The following RIF1 variants were observed in gnomAD, a reference collection of about 807,000 sequenced individuals.
The protein encoded by RIF1 is replication timing regulatory factor 1.
In RIF1, 45 loss-of-function variants were observed where a neutral mutation model predicts 247.1. The observed-to-expected ratio is 0.18, with a 90% CI of 0.14 to 0.23. The LOEUF (loss-of-function observed/expected upper bound fraction) is 0.23, where lower values mean the gene tolerates loss of function less well. Among genes scored for constraint, RIF1 ranks in the 10% least tolerant of loss-of-function variants. The pLI is 1.00. For synonymous variants in RIF1, 1,087 were observed against 978.8 expected, an observed-to-expected ratio of 1.11 and a Z score of -2.06; for missense variants, 2,967 against 2,862.5, an observed-to-expected ratio of 1.04 and a Z score of -0.83.
In RIF1 at chr2:151,463,731, A is replaced by G. The variant is rs769334171; in HGVS notation, c.4211A>G (p.Gln1404Arg). ...GATCAAATGGTAAATGAGGATAGTC[A>G]GGTTCAGATAACTCCAAATCAGAAA... Reference protein sequence around the residue: ...SADQMVNEDSQVQITPNQKTL... With the variant: ...SADQMVNEDSRVQITPNQKTL... Residue 1404 changes from glutamine to arginine, a missense_variant, in exon 30 of 36, where the codon CAG (glutamine) becomes CGG (arginine). By Grantham distance (43) the Gln-to-Arg change is conservative. This residue lies in a region of RIF1 where 2,028 missense variants were observed against 1,825.6 expected (regional missense o/e 1.11). Coordinates refer to ENST00000444746, the MANE Select transcript of RIF1 (RefSeq NM_018151.5). 6.2e-7 allele frequency: 1 copy of G among 1,614,024 alleles called. No individual in the cohort carries two copies. Among genetic ancestry groups the G allele is most frequent in the South Asian group, 1.1e-5 (1 of 91,080 alleles).
intron 11 of RIF1, among the ~76,000 whole-genome samples, chr2:151,500,252 C>CAAAG (rs1013988052): frequency 1.3e-5 from 2 of 151,994 alleles, no homozygotes; most frequent in African/African-American, 2.4e-5. Context: ...CTAATTATGT[C>CAAAG]AAAGAATCAA....
chr2:151,422,504 A>T lies in RIF1; in HGVS notation c.694-446A>T, dbSNP rs540907028. Among the ~76,000 whole-genome samples the T allele has an allele frequency of 7.8e-5, 11 of 141,244 alleles. No homozygotes were observed. The East Asian group carries it at 8.3e-4, about 11-fold the overall frequency. 92.7% of individuals were successfully genotyped at this position (141,244 alleles called of 152,430 possible). On this transcript the variant is annotated intron_variant, in intron 7 of 35. Transcript: ENST00000444746. ...TTTCCTTTTGGAGTCTTTTGGGAAA[A>T]TTTTTTTTTTTTTTTGAGACAGTCT...
chr2:151,496,848 G>T, intron 10 of RIF1: 2 of 1,357,850 alleles, frequency 1.5e-6, no homozygotes, highest in Non-Finnish European at 2.0e-6. Flanking sequence ...CACAAAATTT[G>T]TCTTTAGAAA....
At chr2:151,486,079 AC>A, downstream of RIF1, 1 of 790,392 alleles carries the variant, frequency 1.3e-6, no homozygotes, top group Non-Finnish European at 2.0e-6. Context: ...AGTAAAAGGA[AC>A]CCACAAAATA....
chr2:151,478,815 T>C lies in RIF1; in HGVS notation c.*3744T>C, dbSNP rs1427003409. On this transcript the variant is annotated 3_prime_UTR_variant, in exon 36 of 36. Coordinates refer to ENST00000444746, the MANE Select transcript of RIF1 (RefSeq NM_018151.5). Reference sequence around the variant, plus strand: ...TCTTCATAATTGATTTTCAAGAAGTTAATTTGTCATTCAGCCTAGGAGGCT... The same window carrying C: ...TCTTCATAATTGATTTTCAAGAAGTCAATTTGTCATTCAGCCTAGGAGGCT... 1 of 152,192 alleles carries C rather than the reference T, an allele frequency of 6.6e-6. No homozygotes were observed. The highest frequency in any genetic ancestry group is 1.9e-4 in the East Asian group (1 of 5,196). 9.4% of individuals were successfully genotyped at this position (152,192 alleles called of 1,614,324 possible). A position where few individuals can be genotyped will look rare whatever the true frequency, so the allele number is the denominator to read the frequency against.
At position 151,465,440 on chromosome 2, in the gene RIF1, A is replaced by G. The variant is rs760286415; in HGVS notation, c.5920A>G (p.Ser1974Gly). The G allele has an allele frequency of 1.9e-6, 3 of 1,613,914 alleles. No individual in the cohort carries two copies. The highest frequency in any genetic ancestry group is 2.5e-6 in the Non-Finnish European group (3 of 1,179,840). ...VATEEFNSDI[S>G]LSDNTTPVKL... is the part of the protein sequence containing the mutation. ...AACTGAGGAATTTAATTCAGATATT[A>G]GTCTTTCTGATAATACTACACCTGT... Residue 1974 changes from serine to glycine, a missense_variant, in exon 30 of 36, where the codon AGT becomes GGT. Ser to Gly is a moderately conservative substitution (Grantham distance 56). Around this residue, in one of 7 missense-constraint regions of RIF1, gnomAD observed 2,028 missense variants for 1,825.6 expected, o/e 1.11. Coordinates refer to ENST00000444746, the MANE Select transcript of RIF1 (RefSeq NM_018151.5).
At chr2:151,527,182 C>T in the RIF1 span, among the ~76,000 whole-genome samples, 1 of 152,112 alleles carries the variant, frequency 6.6e-6, no homozygotes, top group Non-Finnish European at 1.5e-5. Flanking sequence ...TTTTGGACTC[C>T]TCCTTTTCAG....
rs576080942 is a variant in RIF1, at chr2:151,472,055, G to T, written c.7096-1909G>T. 1.9e-3 allele frequency among the ~76,000 whole-genome samples: 282 copies of T among 152,172 alleles called. 2 individuals carry two copies. Among genetic ancestry groups the T allele is most frequent in the Middle Eastern group, 0.014 (4 of 294 alleles). The stretch of plus-strand genomic sequence containing the variant: ...TCCTCTTTTATTTCATTGAGCAGTG[G>T]TTTGTAGTTCTCCTTGAAGAGGTCC... On this transcript the variant is annotated intron_variant, in intron 34 of 35. Coordinates refer to ENST00000444746, the MANE Select transcript of RIF1 (RefSeq NM_018151.5).
chr2:151,428,030 C>T lies in RIF1; in HGVS notation c.787-754C>T, dbSNP rs186708960. ...TGAGATCCAGCCATTGCACTCCAGC[C>T]GGGTGACAGAGCAAGACTCCATCTC... On this transcript the variant is annotated intron_variant, in intron 8 of 35. Coordinates refer to ENST00000444746, the MANE Select transcript of RIF1 (RefSeq NM_018151.5). Among the ~76,000 whole-genome samples, 110 of 152,070 alleles carry T rather than the reference C, an allele frequency of 7.2e-4. 1 individual carries two copies. The highest frequency in any genetic ancestry group is 2.6e-3 in the African/African-American group (108 of 41,494).
chr2:151,437,081 A>T, intron 12 of RIF1, 78 bp downstream of exon 12: 2 of 1,343,326 alleles, frequency 1.5e-6, no homozygotes, highest in Non-Finnish European at 2.0e-6. Context: ...GAGAGGTGTT[A>T]TTTTGTCGCA....
intron 9 of RIF1, among the ~76,000 whole-genome samples, chr2:151,431,956 C>T (rs1213179696): frequency 5.3e-5 from 8 of 152,134 alleles, no homozygotes; most frequent in Middle Eastern, 6.3e-3. Context: ...TGTTGAGTGC[C>T]ATTCCACCAA....
downstream of RIF1, among the ~76,000 whole-genome samples, chr2:151,510,873 C>T (rs2073701694): frequency 6.6e-6 from 1 of 152,116 alleles, no homozygotes; most frequent in Non-Finnish European, 1.5e-5. Flanking sequence ...TGTATTAACC[C>T]CCAAGTATGA....
chr2:151,521,709 C>T, the RIF1 span, among the ~76,000 whole-genome samples: 69 of 152,204 alleles, frequency 4.5e-4, no homozygotes, highest in African/African-American at 1.5e-3. Context: ...CCATTGATTC[C>T]ACTTCAGTTT....
In RIF1 at chr2:151,475,251, G is replaced by T; in HGVS notation, c.*180G>T. The T allele has an allele frequency of 1.7e-6, 1 of 571,804 alleles. No individual in the cohort carries two copies. Among genetic ancestry groups the T allele is most frequent in the Non-Finnish European group, 3.1e-6 (1 of 327,474 alleles). The allele number at this position is 571,804 out of a possible 1,614,324, so 35.4% of individuals were successfully genotyped here. A position where few individuals can be genotyped will look rare whatever the true frequency, so the allele number is the denominator to read the frequency against. On this transcript the variant is annotated 3_prime_UTR_variant, in exon 36 of 36. Transcript: ENST00000444746. Reference sequence around the variant, plus strand: ...TCAATTTTGTAAGTTCATTATGTAAGATCCTTTTTTTTTTCATAATATGTA... The same window carrying T: ...TCAATTTTGTAAGTTCATTATGTAATATCCTTTTTTTTTTCATAATATGTA...
At position 151,464,001 on chromosome 2, in the gene RIF1, G is replaced by C. The variant is rs757105592; in HGVS notation, c.4481G>C (p.Ser1494Thr). The C allele has an allele frequency of 1.2e-6, 2 of 1,608,952 alleles. No individual in the cohort carries two copies. The highest frequency in any genetic ancestry group is 1.7e-5 in the Admixed American group (1 of 58,636). The change falls in exon 30 of 36, where the codon AGT becomes ACT. Residue 1494 changes from serine (S) to threonine (T), a missense_variant. Ser to Thr is a moderately conservative substitution (Grantham distance 58). This residue lies in a region of RIF1 where 2,028 missense variants were observed against 1,825.6 expected (regional missense o/e 1.11). Coordinates refer to ENST00000444746, the MANE Select transcript of RIF1 (RefSeq NM_018151.5). ...NLHEKTLGET[S>T]ANAETEQNKK... ...CATGAGAAGACTCTTGGGGAAACTAGTGCTAATGCAGAAACTGAACAAAAT... is the reference window on the plus strand; with the variant it reads ...CATGAGAAGACTCTTGGGGAAACTACTGCTAATGCAGAAACTGAACAAAAT...
chr2:151,448,539 A>G (rs974892940), intron 20 of RIF1, among the ~76,000 whole-genome samples: 2 of 152,212 alleles, frequency 1.3e-5, no homozygotes, highest in African/African-American at 4.8e-5. Context: ...TTAAAAATGT[A>G]AATCAGATCT....
the RIF1 span, chr2:151,520,063 G>T: frequency 9.5e-6 from 2 of 209,674 alleles, no homozygotes; most frequent in Non-Finnish European, 1.9e-5. Flanking sequence ...AATGGAAAAG[G>T]CTTCAGGCTA....
intron 11 of RIF1, among the ~76,000 whole-genome samples, chr2:151,502,208 G>A (rs545107350): frequency 6.6e-6 from 1 of 151,854 alleles, no homozygotes; most frequent in East Asian, 2.0e-4. Context: ...GTGAACTTTG[G>A]GGACTTGCAG....
At chr2:151,519,901 G>A in the RIF1 span, 2 of 590,474 alleles carry the variant, frequency 3.4e-6, no homozygotes, top group South Asian at 2.4e-5. Context: ...ATCCAAACTG[G>A]GACATTTAGA....
Sources: gnomAD v4.1 joint callset for allele counts (sites outside exome capture counted in the v4.1 genomes callset) on GRCh38, gnomAD v4.1.1 for gene constraint, gnomAD v4.1.1 regional missense constraint, MANE v1.5 for transcripts, NCBI Gene and HGNC (gene_info 2026-07-23, HGNC 2026-07-21) for gene names.